Variants in PLCB1 observed in about 807,000 individuals in gnomAD.
PLCB1 encodes 1-phosphatidylinositol 4,5-bisphosphate phosphodiesterase beta-1.
In PLCB1, 46 loss-of-function variants were observed where a neutral mutation model predicts 161.8. That is an observed-to-expected ratio of 0.28 (90% CI 0.22 to 0.36). The LOEUF is 0.36. Ranked by LOEUF, PLCB1 falls within the 10% of genes least tolerant of loss-of-function variation. The probability of loss-of-function intolerance (pLI) is 1.00; values close to 1 mark genes in which losing one functional copy is unlikely to be tolerated. For missense variants in PLCB1, 1,016 were observed against 1,472.5 expected (o/e 0.69, Z 5.07); for synonymous variants, 517 against 503.7 (o/e 1.03, Z -0.35).
chr20:8,446,577 A>G (rs916504176), intron 3 of PLCB1, among the ~76,000 whole-genome samples: 2 of 152,218 alleles, frequency 1.3e-5, no homozygotes, highest in African/African-American at 4.8e-5. Flanking sequence ...GGCAGGAGAA[A>G]GAAATAAAGG....
At chr20:8,422,816 T>C (rs1979596320) in intron 3 of PLCB1, among the ~76,000 whole-genome samples, 1 of 152,170 alleles carries the variant, frequency 6.6e-6, no homozygotes, top group South Asian at 2.1e-4. Context: ...GGCTGTAGCA[T>C]AGACTCTGAA....
chr20:8,231,199 T>C (rs1304379835), intron 2 of PLCB1, among the ~76,000 whole-genome samples: 2 of 152,190 alleles, frequency 1.3e-5, no homozygotes. Flanking sequence ...CTTTTGCTGT[T>C]GATTTATTCT....
intron 31 of PLCB1, among the ~76,000 whole-genome samples, chr20:8,877,201 T>G (rs965914892): frequency 1.3e-5 from 2 of 152,060 alleles, no homozygotes; most frequent in African/African-American, 4.8e-5. Flanking sequence ...ACAGAGGCAA[T>G]CAAAAGGAAG....
intron 31 of PLCB1, among the ~76,000 whole-genome samples, chr20:8,791,075 A>C (rs1983734558): frequency 6.6e-6 from 1 of 152,178 alleles, no homozygotes; most frequent in Non-Finnish European, 1.5e-5. Context: ...TGTATGTTTC[A>C]TTCACCAGTT....
intron 3 of PLCB1, among the ~76,000 whole-genome samples, chr20:8,542,624 G>C (rs1470014559): frequency 1.3e-5 from 2 of 152,200 alleles, no homozygotes; most frequent in Non-Finnish European, 2.9e-5. Context: ...GAATGGAAAA[G>C]TTTCAGTGAC....
intron 3 of PLCB1, among the ~76,000 whole-genome samples, chr20:8,435,096 T>C (rs1980237639): frequency 1.3e-5 from 2 of 152,190 alleles, no homozygotes; most frequent in South Asian, 4.1e-4. Flanking sequence ...GGTTAATCCA[T>C]TGGAGAAGGA....
intron 3 of PLCB1, among the ~76,000 whole-genome samples, chr20:8,384,653 A>T (rs977767223): frequency 6.6e-6 from 1 of 151,940 alleles, no homozygotes; most frequent in African/African-American, 2.4e-5. Context: ...TCTCGTCTTT[A>T]TGAGTTTGTC....
chr20:8,576,354 A>G (rs1986673607), intron 3 of PLCB1, among the ~76,000 whole-genome samples: 1 of 152,176 alleles, frequency 6.6e-6, no homozygotes, highest in Non-Finnish European at 1.5e-5. Context: ...TGGGATGAAC[A>G]AACTGTAAAG....
At chr20:8,692,842 C>A (rs1030417366) in intron 10 of PLCB1, among the ~76,000 whole-genome samples, 5 of 152,210 alleles carry the variant, frequency 3.3e-5, no homozygotes, top group Admixed American at 2.6e-4. Flanking sequence ...GACAGCCCCC[C>A]ACCTCCATCC....
chr20:8,641,322 A>C (rs2123264587), intron 4 of PLCB1, among the ~76,000 whole-genome samples: 1 of 152,356 alleles, frequency 6.6e-6, no homozygotes, highest in South Asian at 2.1e-4. Context: ...AATAGAGGAG[A>C]TATAAAAATT....
intron 3 of PLCB1, among the ~76,000 whole-genome samples, chr20:8,417,205 G>A (rs1324849042): frequency 2.1e-5 from 3 of 144,722 alleles, no homozygotes; most frequent in Non-Finnish European, 3.0e-5. Flanking sequence ...TTCTGCTTCA[G>A]CCTCCTGAGT....
intron 3 of PLCB1, among the ~76,000 whole-genome samples, chr20:8,495,425 T>G (rs1169365345): frequency 2.3e-5 from 3 of 129,524 alleles, no homozygotes; most frequent in Non-Finnish European, 4.7e-5. Flanking sequence ...TGAGACGGAG[T>G]CTCGCTGTGT....
At chr20:8,645,817 T>C (rs555511794) in intron 4 of PLCB1, among the ~76,000 whole-genome samples, 62 of 152,310 alleles carry the variant, frequency 4.1e-4, no homozygotes, top group Middle Eastern at 3.4e-3. Flanking sequence ...TAAAATGTGC[T>C]TAGTTATTGA....
At chr20:8,715,360 G>A (rs1173826108) in intron 12 of PLCB1, among the ~76,000 whole-genome samples, 5 of 152,200 alleles carry the variant, frequency 3.3e-5, no homozygotes, top group Admixed American at 1.3e-4. Context: ...GCTGGCGGAC[G>A]CCGCCTTGTA....
intron 2 of PLCB1, among the ~76,000 whole-genome samples, chr20:8,308,761 T>C (rs1224136520): frequency 1.3e-5 from 2 of 151,942 alleles, no homozygotes; most frequent in Non-Finnish European, 2.9e-5. Context: ...GTAGCGTCCA[T>C]AGCTTAATCA....
chr20:8,781,791 G>A (rs1431407705), intron 27 of PLCB1, among the ~76,000 whole-genome samples: 4 of 152,160 alleles, frequency 2.6e-5, no homozygotes, highest in African/African-American at 9.7e-5. Flanking sequence ...GAGAACTTGT[G>A]CAGGGAAACT....
chr20:8,526,330 A>G (rs921175127), intron 3 of PLCB1, among the ~76,000 whole-genome samples: 4 of 152,100 alleles, frequency 2.6e-5, no homozygotes, highest in African/African-American at 9.7e-5. Context: ...TCTTTGATGT[A>G]TGCATTTTTA....
At chr20:8,828,669 A>T (rs2143269) in intron 31 of PLCB1, among the ~76,000 whole-genome samples, 43,870 of 152,040 alleles carry the variant, frequency 0.29, 6,474 homozygotes, top group Middle Eastern at 0.4. Flanking sequence ...TACCTATGAA[A>T]TGAGTGGTGT....
intron 2 of PLCB1, among the ~76,000 whole-genome samples, chr20:8,155,510 C>T (rs1053197959): frequency 6.6e-6 from 1 of 152,168 alleles, no homozygotes; most frequent in African/African-American, 2.4e-5. Flanking sequence ...GTCACAGTAA[C>T]ATTTTTCAGC....
Sources: gnomAD v4.1 joint callset for allele counts (sites outside exome capture counted in the v4.1 genomes callset) on GRCh38, gnomAD v4.1.1 for gene constraint, MANE v1.5 for transcripts, NCBI Gene and HGNC (gene_info 2026-07-23, HGNC 2026-07-21) for gene names.